The following KMT2E variants were observed in gnomAD, a reference collection of about 807,000 sequenced individuals.
The protein encoded by KMT2E is histone reader KMT2E.
A neutral mutation model predicts 184.6 loss-of-function variants in KMT2E; 30 were observed. The observed-to-expected ratio is 0.16, with a 90% CI of 0.12 to 0.22. KMT2E has a LOEUF of 0.22. Among genes scored for constraint, KMT2E ranks in the 10% least tolerant of loss-of-function variants. The probability of loss-of-function intolerance (pLI) is 1.00; values close to 1 mark genes in which losing one functional copy is unlikely to be tolerated. For synonymous variants in KMT2E, 815 were observed against 776.5 expected, an observed-to-expected ratio of 1.05 and a Z score of -0.82; for missense variants, 2,023 against 2,237.4, an observed-to-expected ratio of 0.90 and a Z score of 1.93.
intron 3 of KMT2E, among the ~76,000 whole-genome samples, chr7:105,044,699 A>G (rs1462994643): frequency 2.0e-5 from 3 of 152,214 alleles, no homozygotes; most frequent in Non-Finnish European, 4.4e-5. Flanking sequence ...ACTCAATCCC[A>G]TACCAGGCAG....
At chr7:105,033,360 G>C (rs916047057) in intron 1 of KMT2E, among the ~76,000 whole-genome samples, 2 of 152,190 alleles carry the variant, frequency 1.3e-5, no homozygotes, top group East Asian at 3.8e-4. Context: ...GCATATGGTT[G>C]TAAGAAATAA....
intron 20 of KMT2E, 58 bp from the exon 21 acceptor site, chr7:105,107,103 AATTAT>A (rs1489372495): frequency 4.5e-6 from 4 of 886,188 alleles, no homozygotes; most frequent in Admixed American, 2.5e-5. Context: ...TCATTTCTAT[AATTAT>A]TATGGATATA....
chr7:105,109,463 G>T (rs543929526), intron 23 of KMT2E, among the ~76,000 whole-genome samples: 53 of 152,270 alleles, frequency 3.5e-4, no homozygotes, highest in South Asian at 3.1e-3. Flanking sequence ...CCTCTCCAAA[G>T]AATTTTTATC....
Position 105,106,671 on chromosome 7 carries a change from A to G in KMT2E, c.2746A>G (p.Ile916Val). The change falls in exon 20 of 27, where the codon ATA becomes GTA. Residue 916 changes from isoleucine to valine, a missense_variant. Physicochemically the swap from Ile to Val is conservative, Grantham distance 29. Transcript: ENST00000311117. ...CCCATCTTTTGCCACGCCTCCACGGATAAAATCAGATGATGAAACTTGTAG... is the reference window on the plus strand; with the variant it reads ...CCCATCTTTTGCCACGCCTCCACGGGTAAAATCAGATGATGAAACTTGTAG... ...MDPSFATPPR[I>V]KSDDETCRNG... The G allele has an allele frequency of 1.2e-6, 2 of 1,614,076 alleles. No homozygotes were observed. The highest frequency in any genetic ancestry group is 1.7e-6 in the Non-Finnish European group (2 of 1,179,946).
chr7:105,089,916 AC>A lies in KMT2E; in HGVS notation c.1359-92del, dbSNP rs1050396365. 7 of 1,529,544 alleles carry A rather than the reference AC, an allele frequency of 4.6e-6. No homozygotes were observed. In the African/African-American group the frequency reaches 9.9e-5, roughly 22 times the overall value. The allele number at this position is 1,529,544 out of a possible 1,614,324, so 94.7% of individuals were successfully genotyped here. A position where few individuals can be genotyped will look rare whatever the true frequency, so the allele number is the denominator to read the frequency against. Reference sequence around the variant, plus strand: ...TGCTTATAATTAATAGTAATTGCATACAATTTTGTGGAGTTGCAGCTTAAAA... The same window carrying A: ...TGCTTATAATTAATAGTAATTGCATAAATTTTGTGGAGTTGCAGCTTAAAA... On this transcript the variant is annotated intron_variant, in intron 13 of 26. Coordinates refer to ENST00000311117, the MANE Select transcript of KMT2E (RefSeq NM_182931.3).
At position 105,027,433 on chromosome 7, in the gene KMT2E, C is replaced by T. The variant is rs529247487; in HGVS notation, c.-188-10693C>T. ...TATAGGACTCATTGTATCCACCAACCTCATTCTTGACATTTCATTTTTGCC... is the reference window on the plus strand; with the variant it reads ...TATAGGACTCATTGTATCCACCAACTTCATTCTTGACATTTCATTTTTGCC... On this transcript the variant is annotated intron_variant, in intron 1 of 26. Coordinates refer to ENST00000311117, the MANE Select transcript of KMT2E (RefSeq NM_182931.3). 2.6e-5 allele frequency among the ~76,000 whole-genome samples: 4 copies of T among 152,248 alleles called. No individual in the cohort carries two copies. In the East Asian group the frequency reaches 7.7e-4, roughly 29 times the overall value.
At position 105,063,479 on chromosome 7, in the gene KMT2E, A is replaced by T. The variant is rs770406555; in HGVS notation, c.315A>T (p.Thr105=). 1 of 1,613,710 alleles carries T rather than the reference A, an allele frequency of 6.2e-7. No individual in the cohort carries two copies. Among genetic ancestry groups the T allele is most frequent in the South Asian group, 1.1e-5 (1 of 91,044 alleles). ...PNFDETSSAT[T]ISTSEDGSYG... ...TTGATGAAACTTCCAGTGCTACTAC[A>T]ATCAGCACATCTGAGGATGGAAGTT... Residue 105 remains threonine (T), a synonymous_variant, in exon 5 of 27, where the codon ACA becomes ACT. Transcript: ENST00000311117.
intron 6 of KMT2E, among the ~76,000 whole-genome samples, chr7:105,068,400 A>G (rs1248826791): frequency 6.6e-6 from 1 of 151,836 alleles, no homozygotes; most frequent in African/African-American, 2.4e-5. Context: ...AATTAGTGAT[A>G]TGTTAATTCT....
intron 7 of KMT2E, 105 bp from the exon 8 acceptor site, chr7:105,074,538 T>C: frequency 1.2e-6 from 1 of 809,006 alleles, no homozygotes; most frequent in Non-Finnish European, 1.8e-6. Context: ...AATGTGCTTA[T>C]TTAGAAAGAT....
At chr7:105,098,108 TAA>T (rs1584792942) in intron 15 of KMT2E, among the ~76,000 whole-genome samples, 1 of 152,372 alleles carries the variant, frequency 6.6e-6, no homozygotes, top group African/African-American at 2.4e-5. Context: ...TTTAGATTTA[TAA>T]GTTTATCTTT....
intron 1 of KMT2E, among the ~76,000 whole-genome samples, chr7:105,020,785 C>T (rs1794917960): frequency 6.6e-6 from 1 of 151,972 alleles, no homozygotes; most frequent in Non-Finnish European, 1.5e-5. Context: ...AATATCTTTT[C>T]CTTACCGTTT....
chr7:105,104,433 A>G (rs1394577237), intron 17 of KMT2E: 3 of 152,114 alleles, frequency 2.0e-5, no homozygotes, highest in East Asian at 3.9e-4. Flanking sequence ...TATGCCTGCA[A>G]TCCCAACATT....
At chr7:105,037,641 G>T (rs1795713707) in intron 1 of KMT2E, among the ~76,000 whole-genome samples, 1 of 152,144 alleles carries the variant, frequency 6.6e-6, no homozygotes, top group African/African-American at 2.4e-5. Flanking sequence ...GGGATTACAG[G>T]TGTGAGCCAC....
chr7:105,077,487 T>C, intron 11 of KMT2E, 54 bp downstream of exon 11: 1 of 1,443,412 alleles, frequency 6.9e-7, no homozygotes, highest in Middle Eastern at 2.5e-4. Flanking sequence ...ATTGAACTTT[T>C]GGCTGTTTTA....
chr7:105,035,673 C>T (rs897570047), intron 1 of KMT2E, among the ~76,000 whole-genome samples: 2 of 152,056 alleles, frequency 1.3e-5, no homozygotes, highest in Non-Finnish European at 2.9e-5. Context: ...GATTCTCCTG[C>T]CTCAGCCTCC....
chr7:105,021,748 T>C (rs894889135), intron 1 of KMT2E, among the ~76,000 whole-genome samples: 2 of 152,174 alleles, frequency 1.3e-5, no homozygotes, highest in Admixed American at 1.3e-4. Flanking sequence ...CAATTACCTT[T>C]TTCCAGGAAT....
chr7:105,100,918 C>A (rs1798628884), intron 15 of KMT2E, among the ~76,000 whole-genome samples: 1 of 152,012 alleles, frequency 6.6e-6, no homozygotes, highest in Non-Finnish European at 1.5e-5. Flanking sequence ...GGTTAACTTG[C>A]CTGGAGTCAC....
chr7:105,076,952 T>A lies in KMT2E; in HGVS notation c.769-11T>A, dbSNP rs760079183. 2 of 1,601,894 alleles carry A rather than the reference T, an allele frequency of 1.2e-6. No homozygotes were observed. Among genetic ancestry groups the A allele is most frequent in the Non-Finnish European group, 1.7e-6 (2 of 1,169,490 alleles). On this transcript the variant is annotated splice_polypyrimidine_tract_variant and intron_variant, in intron 9 of 26. Transcript: ENST00000311117. ...TAAGTCCAGATACTAAAGCTCAGTTTATGATTTTAGGGTTCAGCTCCAGAG... is the reference window on the plus strand; with the variant it reads ...TAAGTCCAGATACTAAAGCTCAGTTAATGATTTTAGGGTTCAGCTCCAGAG...
At chr7:105,032,501 T>G (rs898679524) in intron 1 of KMT2E, among the ~76,000 whole-genome samples, 29 of 152,358 alleles carry the variant, frequency 1.9e-4, no homozygotes, top group African/African-American at 6.5e-4. Flanking sequence ...ATTTTTGTTT[T>G]ACTTATTTAT....
Sources: allele counts gnomAD v4.1 joint callset (sites outside exome capture counted in the v4.1 genomes callset), GRCh38; gene constraint gnomAD v4.1.1; transcripts MANE v1.5; gene names NCBI Gene and HGNC (gene_info 2026-07-23, HGNC 2026-07-21).